Variants in NINJ2 observed in about 807,000 individuals in gnomAD.
NINJ2 encodes the protein ninjurin-2.
Under a neutral mutation model 11.7 loss-of-function variants are expected in NINJ2, and 12 were observed. The observed-to-expected ratio is 1.02, with a 90% confidence interval of 0.66 to 1.66. NINJ2 has a LOEUF of 1.66. Ranked by LOEUF, NINJ2 falls within the 40% of genes most tolerant of loss-of-function variation. The pLI is 0.00. For missense variants in NINJ2, 187 were observed against 181.8 expected, an observed-to-expected ratio of 1.03 and a Z score of -0.16; for synonymous variants, 93 against 76.8, an observed-to-expected ratio of 1.21 and a Z score of -1.10.
intron 1 of NINJ2, among the ~76,000 whole-genome samples, chr12:632,877 G>A (rs778326581): frequency 3.9e-5 from 6 of 152,300 alleles, no homozygotes; most frequent in Non-Finnish European, 7.4e-5. Flanking sequence ...TGGAAACATC[G>A]CACCACAGTG....
chr12:589,429 C>T (rs961517440), intron 1 of NINJ2: 3 of 152,174 alleles, frequency 2.0e-5, no homozygotes, highest in Non-Finnish European at 2.9e-5. Flanking sequence ...TTAGAATAAG[C>T]ACAGGAAACA....
intron 1 of NINJ2, among the ~76,000 whole-genome samples, chr12:576,012 T>G (rs139711539): frequency 1.3e-5 from 2 of 152,102 alleles, no homozygotes; most frequent in African/African-American, 4.8e-5. Context: ...GCAGGCCGCA[T>G]GCAGGCTCCT....
At position 581,906 on chromosome 12, in the gene NINJ2, T is replaced by C. The variant is rs61919370; in HGVS notation, c.34-15728A>G. ...GCCCCAAGGTGTCCTGAGAACCAGATTCTCCGCGGACGCTGAACACACAAA... is the reference window on the plus strand; with the variant it reads ...GCCCCAAGGTGTCCTGAGAACCAGACTCTCCGCGGACGCTGAACACACAAA... On this transcript the variant is annotated intron_variant, in intron 1 of 3. Transcript: ENST00000305108. The surrounding 1 kb of genome is among the most constrained non-coding windows in gnomAD (Gnocchi z 4.9). Among the ~76,000 whole-genome samples, 40,776 of 151,960 alleles carry C rather than the reference T, an allele frequency of 0.27. 5,812 individuals carry two copies. Among genetic ancestry groups the C allele is most frequent in the South Asian group, 0.37 (1,802 of 4,822 alleles).
intron 1 of NINJ2, among the ~76,000 whole-genome samples, chr12:631,681 G>C (rs1347812179): frequency 6.6e-6 from 1 of 152,130 alleles, no homozygotes; most frequent in African/African-American, 2.4e-5. Context: ...TCTGATCCCT[G>C]GGATCAGAAA....
Position 625,013 on chromosome 12 carries a change from T to G in NINJ2, c.33+38315A>C, listed in dbSNP as rs142509399. 4.7e-3 allele frequency among the ~76,000 whole-genome samples: 678 copies of G among 144,848 alleles called. 1 individual carries two copies. The highest frequency in any genetic ancestry group is 6.3e-3 in the Non-Finnish European group (425 of 66,994). ...AATCCCGGCTACTTGGGAGGCTGAG[T>G]AATGAGAATTGCTTGAACCTGGGAG... On this transcript the variant is annotated intron_variant, in intron 1 of 3. Coordinates refer to ENST00000305108, the MANE Select transcript of NINJ2 (RefSeq NM_016533.6).
chr12:568,849 C>T (rs542161076), intron 1 of NINJ2, among the ~76,000 whole-genome samples: 84 of 151,232 alleles, frequency 5.6e-4, no homozygotes, highest in African/African-American at 2.0e-3. Flanking sequence ...ACTGTACATG[C>T]CAGGCGGTGC....
intron 1 of NINJ2, among the ~76,000 whole-genome samples, chr12:598,691 C>T (rs181127518): frequency 3.9e-5 from 6 of 152,226 alleles, no homozygotes; most frequent in African/African-American, 9.6e-5. Context: ...TTATTTTCTA[C>T]AATATTTTAA....
intron 1 of NINJ2, chr12:645,718 C>A (rs1937666511): frequency 6.6e-6 from 1 of 152,186 alleles, no homozygotes; most frequent in African/African-American, 2.4e-5. Flanking sequence ...TGGCATGAGT[C>A]AGCTGTGAGG....
intron 1 of NINJ2, among the ~76,000 whole-genome samples, chr12:638,459 A>C (rs1166339737): frequency 3.3e-5 from 5 of 152,238 alleles, no homozygotes; most frequent in Admixed American, 2.0e-4. Flanking sequence ...TCTGTCACCC[A>C]GGCTGGAGTG....
intron 1 of NINJ2, among the ~76,000 whole-genome samples, chr12:657,323 C>G (rs1196384059): frequency 6.6e-6 from 1 of 152,208 alleles, no homozygotes; most frequent in Non-Finnish European, 1.5e-5. Flanking sequence ...GGCGCAGTGG[C>G]TCACACCTGT....
chr12:622,128 A>G (rs1489176027), intron 1 of NINJ2, among the ~76,000 whole-genome samples: 3 of 147,082 alleles, frequency 2.0e-5, no homozygotes, highest in Non-Finnish European at 4.5e-5. Context: ...TCGGGAAAAA[A>G]AAAAAAAAAA....
At chr12:594,348 A>G (rs1947755698) in intron 1 of NINJ2, among the ~76,000 whole-genome samples, 1 of 152,274 alleles carries the variant, frequency 6.6e-6, no homozygotes, top group Admixed American at 6.5e-5. Context: ...ATGCCATTAC[A>G]TTAGTCCTCA....
intron 2 of NINJ2, 166 bp downstream of exon 2, chr12:565,784 G>T (rs1243509009): frequency 7.0e-6 from 5 of 709,270 alleles, no homozygotes; most frequent in Middle Eastern, 3.0e-4. Flanking sequence ...CCCTCGCGGG[G>T]TGGAAGTTGG....
chr12:642,903 C>T (rs1297695351), intron 1 of NINJ2: 3 of 150,304 alleles, frequency 2.0e-5, no homozygotes, highest in Admixed American at 6.6e-5. Context: ...CTGGCTTCCG[C>T]GGGCCCTGCG....
chr12:596,900 C>A (rs1020392293), intron 1 of NINJ2, among the ~76,000 whole-genome samples: 4 of 149,208 alleles, frequency 2.7e-5, no homozygotes, highest in African/African-American at 9.9e-5. Flanking sequence ...CCAGCCTGGA[C>A]GATGAGAGTG....
intron 1 of NINJ2, among the ~76,000 whole-genome samples, chr12:600,637 G>T (rs1316334471): frequency 6.6e-6 from 1 of 151,200 alleles, no homozygotes; most frequent in African/African-American, 2.4e-5. Flanking sequence ...CAAGGCGGGT[G>T]GCAGAATTTT....
chr12:613,937 T>TAAA (rs1409566075), intron 1 of NINJ2, among the ~76,000 whole-genome samples: 31 of 151,942 alleles, frequency 2.0e-4, no homozygotes, highest in African/African-American at 5.1e-4. Context: ...AATAAATAAA[T>TAAA]TAATTAATTA....
rs140306441 is a variant in NINJ2, at chr12:633,742, G to C, written c.33+29586C>G. 4.4e-3 allele frequency among the ~76,000 whole-genome samples: 670 copies of C among 152,322 alleles called. 3 individuals carry two copies. Among genetic ancestry groups the C allele is most frequent in the South Asian group, 8.5e-3 (41 of 4,830 alleles). ...AGGCAGGAGAATCATTTGAACCCAG[G>C]AGGTGGAGGTTGCAGTGAGCCAAGA... On this transcript the variant is annotated intron_variant, in intron 1 of 3. Transcript: ENST00000305108. This position sits in a 1 kb window ranked among gnomAD's most constrained non-coding sequence, Gnocchi z 4.3.
In NINJ2 at chr12:633,623, C is replaced by G. The variant is rs942768690; in HGVS notation, c.33+29705G>C. ...TTGAGGCCAGGAGTTCAAGACCAGC[C>G]TGGCCAACACGGCAAAATCCCGTCT... On this transcript the variant is annotated intron_variant, in intron 1 of 3. Coordinates refer to ENST00000305108, the MANE Select transcript of NINJ2 (RefSeq NM_016533.6). This position sits in a 1 kb window ranked among gnomAD's most constrained non-coding sequence, Gnocchi z 4.3. Among the ~76,000 whole-genome samples the G allele has an allele frequency of 6.6e-6, 1 of 152,194 alleles. No individual in the cohort carries two copies. Among genetic ancestry groups the G allele is most frequent in the East Asian group, 1.9e-4 (1 of 5,190 alleles).
Sources: gnomAD v4.1 joint callset for allele counts (sites outside exome capture counted in the v4.1 genomes callset) on GRCh38, gnomAD v4.1.1 for gene constraint, Gnocchi (gnomAD v3.1) non-coding constraint, MANE v1.5 for transcripts, NCBI Gene and HGNC (gene_info 2026-07-23, HGNC 2026-07-21) for gene names.